Variants in ILRUN observed in about 807,000 individuals in gnomAD.
The protein encoded by ILRUN is protein ILRUN.
A neutral mutation model predicts 33.8 loss-of-function variants in ILRUN; 3 were observed. The observed-to-expected ratio is 0.09, with a 90% CI of 0.04 to 0.23. ILRUN has a LOEUF of 0.23. Among genes scored for constraint, ILRUN ranks in the 10% least tolerant of loss-of-function variants. The pLI, the probability that ILRUN is intolerant of heterozygous loss-of-function variation, is 1.00. For missense variants in ILRUN, 210 were observed against 375.1 expected, an observed-to-expected ratio of 0.56 and a Z score of 3.64; for synonymous variants, 124 against 138.9, an observed-to-expected ratio of 0.89 and a Z score of 0.75.
intron 1 of ILRUN, among the ~76,000 whole-genome samples, chr6:34,683,084 C>T (rs1165844162): frequency 1.3e-5 from 2 of 150,952 alleles, no homozygotes; most frequent in African/African-American, 4.9e-5. Context: ...CAGGACGTTG[C>T]CTATAAAAAC....
At chr6:34,668,502 G>A (rs1440849940) in intron 1 of ILRUN, among the ~76,000 whole-genome samples, 4 of 152,118 alleles carry the variant, frequency 2.6e-5, no homozygotes, top group Non-Finnish European at 5.9e-5. Flanking sequence ...AGACTGAGAT[G>A]ATAACACCTA....
chr6:34,615,909 T>C (rs1050695772), intron 3 of ILRUN, among the ~76,000 whole-genome samples: 4 of 152,242 alleles, frequency 2.6e-5, no homozygotes, highest in African/African-American at 7.2e-5. Flanking sequence ...CATCTTGATG[T>C]GGATGTTGGG....
intron 4 of ILRUN, among the ~76,000 whole-genome samples, chr6:34,600,052 G>A (rs533469305): frequency 2.6e-5 from 4 of 152,284 alleles, no homozygotes; most frequent in East Asian, 1.9e-4. Context: ...CCTGGATGAC[G>A]GCATTAACTT....
At chr6:34,632,759 G>C (rs1762274907) in intron 3 of ILRUN, among the ~76,000 whole-genome samples, 1 of 151,334 alleles carries the variant, frequency 6.6e-6, no homozygotes, top group Non-Finnish European at 1.5e-5. Context: ...TCCTGACCTT[G>C]TTATCTGTCT....
chr6:34,669,631 G>A (rs930968920), intron 1 of ILRUN, among the ~76,000 whole-genome samples: 1 of 152,084 alleles, frequency 6.6e-6, no homozygotes, highest in African/African-American at 2.4e-5. Context: ...TGTGTGTGAA[G>A]GCCTCACAAT....
At chr6:34,614,620 G>C (rs556633503) in intron 3 of ILRUN, among the ~76,000 whole-genome samples, 25 of 151,016 alleles carry the variant, frequency 1.7e-4, no homozygotes, top group Admixed American at 1.2e-3. Context: ...CTGTTTCCAA[G>C]AGGTAGAACT....
At chr6:34,695,519 A>G (rs1194096245) in intron 1 of ILRUN, among the ~76,000 whole-genome samples, 1 of 152,208 alleles carries the variant, frequency 6.6e-6, no homozygotes, top group Non-Finnish European at 1.5e-5. Context: ...TTCTGTCCCA[A>G]TTCAGCCTTC....
intron 2 of ILRUN, among the ~76,000 whole-genome samples, chr6:34,650,986 C>A (rs1582079170): frequency 6.6e-6 from 1 of 152,052 alleles, no homozygotes; most frequent in Non-Finnish European, 1.5e-5. Flanking sequence ...GAAAAACTGC[C>A]AAGGCCTGCC....
chr6:34,659,915 C>T (rs1762853518), intron 1 of ILRUN, among the ~76,000 whole-genome samples: 1 of 151,768 alleles, frequency 6.6e-6, no homozygotes, highest in Non-Finnish European at 1.5e-5. Context: ...CCCACCACGC[C>T]CGGCCCATAA....
At chr6:34,689,533 T>G (rs531443005) in intron 1 of ILRUN, among the ~76,000 whole-genome samples, 1 of 152,240 alleles carries the variant, frequency 6.6e-6, no homozygotes, top group African/African-American at 2.4e-5. Flanking sequence ...AAACTACTAT[T>G]TGACACACAT....
At chr6:34,654,504 T>A in intron 2 of ILRUN, 121 bp downstream of exon 2, 1 of 953,322 alleles carries the variant, frequency 1.0e-6, no homozygotes, top group Non-Finnish European at 1.6e-6. Context: ...ATACTACATA[T>A]CATGTGTAAG....
At chr6:34,627,637 G>A (rs1041788492) in intron 3 of ILRUN, among the ~76,000 whole-genome samples, 4 of 151,550 alleles carry the variant, frequency 2.6e-5, no homozygotes, top group Admixed American at 6.6e-5. Flanking sequence ...ATATCTTCTC[G>A]TAAGTTTTTA....
chr6:34,616,668 G>A, intron 3 of ILRUN: 1 of 1,113,976 alleles, frequency 9.0e-7, no homozygotes, highest in Non-Finnish European at 1.3e-6. Flanking sequence ...TGAAAGGCAA[G>A]GAGGAAGCTT....
intron 3 of ILRUN, among the ~76,000 whole-genome samples, chr6:34,621,861 C>CAAA (rs35985719): frequency 2.0e-5 from 3 of 148,390 alleles, no homozygotes; most frequent in African/African-American, 2.5e-5. Context: ...GACTCCAGCT[C>CAAA]AAAAAAAAAA....
intron 4 of ILRUN, among the ~76,000 whole-genome samples, chr6:34,605,779 C>T (rs955139233): frequency 3.3e-5 from 5 of 152,158 alleles, no homozygotes; most frequent in African/African-American, 1.2e-4. Context: ...ACAGACCTAA[C>T]AGTTTATGTG....
chr6:34,648,369 CCAGA>C (rs1455823060), intron 2 of ILRUN, among the ~76,000 whole-genome samples: 2 of 152,076 alleles, frequency 1.3e-5, no homozygotes, highest in Non-Finnish European at 2.9e-5. Context: ...TGGAAAGAAA[CCAGA>C]CAGAGAAAGG....
At chr6:34,675,223 G>A (rs1433005244) in intron 1 of ILRUN, among the ~76,000 whole-genome samples, 1 of 152,154 alleles carries the variant, frequency 6.6e-6, no homozygotes, top group Non-Finnish European at 1.5e-5. Context: ...AGAGGTTGCA[G>A]TGAGCTGAGA....
intron 3 of ILRUN, among the ~76,000 whole-genome samples, chr6:34,636,333 G>A (rs1762367982): frequency 6.6e-6 from 1 of 151,978 alleles, no homozygotes; most frequent in South Asian, 2.1e-4. Context: ...GTCCAACACT[G>A]ACATTCCCTT....
At chr6:34,665,712 A>G (rs1762981193) in intron 1 of ILRUN, among the ~76,000 whole-genome samples, 1 of 152,150 alleles carries the variant, frequency 6.6e-6, no homozygotes, top group African/African-American at 2.4e-5. Flanking sequence ...TACAAGTATG[A>G]GCCACCACGC....
Sources: allele counts gnomAD v4.1 joint callset (sites outside exome capture counted in the v4.1 genomes callset), GRCh38; gene constraint gnomAD v4.1.1; transcripts MANE v1.5; gene names NCBI Gene and HGNC (gene_info 2026-07-23, HGNC 2026-07-21).